Variants in PTGR2 observed in about 807,000 individuals in gnomAD.
PTGR2 encodes 15-oxoprostaglandin 13-reductase.
PTGR2 carries 32 observed loss-of-function variants against 43.4 expected under a neutral mutation model. The observed-to-expected ratio is 0.74, with a 90% CI of 0.56 to 0.99. The LOEUF is 0.99. PTGR2 is among the 50% of genes least tolerant of loss of function. PTGR2 has a pLI of 0.00. For missense variants in PTGR2, 373 were observed against 420.0 expected (o/e 0.89, Z 0.98); for synonymous variants, 106 against 139.2 (o/e 0.76, Z 1.68).
intron 3 of PTGR2, among the ~76,000 whole-genome samples, chr14:73,872,276 A>C (rs1162202283): frequency 1.3e-5 from 2 of 152,190 alleles, no homozygotes; most frequent in African/African-American, 4.8e-5. Context: ...ACTTGGTCTG[A>C]AGTTGGGATG....
rs199920829 is a variant in PTGR2, at chr14:73,860,575, T to C, written c.74T>C (p.Met25Thr). 2.5e-6 allele frequency: 4 copies of C among 1,581,598 alleles called. 1 individual carries two copies. In the South Asian group the frequency reaches 3.5e-5, roughly 14 times the overall value. ...AATCCAGTGGCAGAGAATTTCCGAATGGAAGAAGTCTATTTACCAGATAAT... is the reference window on the plus strand; with the variant it reads ...AATCCAGTGGCAGAGAATTTCCGAACGGAAGAAGTCTATTTACCAGATAAT... ...NGNPVAENFR[M>T]EEVYLPDNIN... The change falls in exon 3 of 10, where the codon ATG (methionine) becomes ACG (threonine). Residue 25 changes from methionine (M) to threonine (T), a missense_variant. Transcript: ENST00000555661.
chr14:73,859,797 G>T (rs1449533733), intron 2 of PTGR2, among the ~76,000 whole-genome samples: 7 of 146,740 alleles, frequency 4.8e-5, no homozygotes, highest in Non-Finnish European at 1.1e-4. Flanking sequence ...AAAAAAAAAA[G>T]AAATACATAC....
chr14:73,858,104 G>A (rs9646165), intron 1 of PTGR2: 22,913 of 152,174 alleles, frequency 0.15, 2,250 homozygotes, highest in East Asian at 0.32. Flanking sequence ...AGTAGAACAA[G>A]GGGTTTGGCC....
chr14:73,860,735 T>C, intron 3 of PTGR2, 78 bp downstream of exon 3: 1 of 755,576 alleles, frequency 1.3e-6, no homozygotes, highest in Non-Finnish European at 2.3e-6. Flanking sequence ...AATCTTATTG[T>C]GCAGTCCCTT....
chr14:73,862,094 G>T (rs553684113), intron 3 of PTGR2, among the ~76,000 whole-genome samples: 2 of 151,692 alleles, frequency 1.3e-5, no homozygotes, highest in Admixed American at 6.6e-5. Context: ...GGCCAGCCTG[G>T]TGTCAAACTG....
At chr14:73,880,737 T>TA (rs1414150353) in intron 7 of PTGR2, among the ~76,000 whole-genome samples, 1 of 152,172 alleles carries the variant, frequency 6.6e-6, no homozygotes, top group Non-Finnish European at 1.5e-5. Context: ...GAAAGGATGC[T>TA]ACCCACAAAG....
chr14:73,865,308 G>A (rs2054576860), intron 3 of PTGR2, among the ~76,000 whole-genome samples: 1 of 152,166 alleles, frequency 6.6e-6, no homozygotes, highest in East Asian at 1.9e-4. Flanking sequence ...GAAGAACCTG[G>A]AGTTCTTATG....
intron 9 of PTGR2, among the ~76,000 whole-genome samples, chr14:73,883,523 T>C (rs940734259): frequency 6.6e-6 from 1 of 151,712 alleles, no homozygotes; most frequent in African/African-American, 2.4e-5. Context: ...CCATGCTCTG[T>C]CACCCGGGCT....
At chr14:73,857,664 G>GTGT (rs1405806637) in intron 1 of PTGR2, among the ~76,000 whole-genome samples, 5 of 64,696 alleles carry the variant, frequency 7.7e-5, no homozygotes, top group African/African-American at 3.1e-4. Flanking sequence ...AGCAGTTAGT[G>GTGT]TTTTTTTTTT....
intron 4 of PTGR2, among the ~76,000 whole-genome samples, chr14:73,875,639 C>A (rs373320090): frequency 1.1e-4 from 17 of 151,996 alleles, no homozygotes; most frequent in Non-Finnish European, 2.4e-4. Context: ...CCACTGTACC[C>A]GGCCTGAGTT....
chr14:73,868,317 C>T (rs2054650069), intron 3 of PTGR2, among the ~76,000 whole-genome samples: 1 of 152,048 alleles, frequency 6.6e-6, no homozygotes, highest in Non-Finnish European at 1.5e-5. Context: ...CATAACCTGA[C>T]TCCTTTACCT....
intron 1 of PTGR2, among the ~76,000 whole-genome samples, chr14:73,852,818 A>C (rs1482717142): frequency 6.6e-6 from 1 of 151,762 alleles, no homozygotes; most frequent in Non-Finnish European, 1.5e-5. Flanking sequence ...ATCCAGAAAG[A>C]CACGTGGTTT....
At chr14:73,860,263 T>C (rs62005577) in intron 2 of PTGR2, among the ~76,000 whole-genome samples, 73,951 of 151,458 alleles carry the variant, frequency 0.49, 18,358 homozygotes, top group South Asian at 0.61. Flanking sequence ...GTCAGGAATT[T>C]GAGACCAGCC....
chr14:73,877,164 G>C lies in PTGR2; in HGVS notation c.515G>C (p.Gly172Ala). The change falls in exon 5 of 10, where the codon GGG becomes GCG. Residue 172 changes from glycine to alanine, a missense_variant. By Grantham distance (60) the Gly-to-Ala change is moderately conservative (BLOSUM62 0). Coordinates refer to ENST00000555661, the MANE Select transcript of PTGR2 (RefSeq NM_001146154.2). ...GAAGACGSVAGQIGHFLGCSR... is the reference protein window; with the variant it reads ...GAAGACGSVAAQIGHFLGCSR... ...GCAGGTGCCTGTGGATCTGTGGCTG[G>C]GCAGGTAAACTTTCTGAGAATTATT... 6.2e-7 allele frequency: 1 copy of C among 1,602,118 alleles called. No homozygotes were observed. The highest frequency in any genetic ancestry group is 8.5e-7 in the Non-Finnish European group (1 of 1,175,972).
At position 73,860,521 on chromosome 14, in the gene PTGR2, T is replaced by G. The variant is rs2054463179; in HGVS notation, c.38-18T>G. On this transcript the variant is annotated intron_variant, in intron 2 of 9. Coordinates refer to ENST00000555661, the MANE Select transcript of PTGR2 (RefSeq NM_001146154.2). ...AAAGTGGCTTTTTTTAACTTTATAT[T>G]TTTGCATAATATTTTAGGAAAAAAT... The G allele has an allele frequency of 4.7e-6, 6 of 1,282,390 alleles. No homozygotes were observed. The East Asian group carries it at 1.4e-4, about 30-fold the overall frequency. The allele number at this position is 1,282,390 out of a possible 1,614,324, so 79.4% of individuals were successfully genotyped here. A position where few individuals can be genotyped will look rare whatever the true frequency, so the allele number is the denominator to read the frequency against.
chr14:73,853,416 G>A (rs1457765987), intron 1 of PTGR2, among the ~76,000 whole-genome samples: 1 of 151,682 alleles, frequency 6.6e-6, no homozygotes, highest in Non-Finnish European at 1.5e-5. Context: ...TCCACCTCCC[G>A]GTTTAAAGCG....
chr14:73,860,762 T>A, intron 3 of PTGR2, 105 bp downstream of exon 3: 3 of 662,974 alleles, frequency 4.5e-6, no homozygotes. Flanking sequence ...TGGTAAATAT[T>A]TGAGCAGTTA....
chr14:73,874,298 C>A, intron 4 of PTGR2, 84 bp downstream of exon 4: 1 of 1,119,260 alleles, frequency 8.9e-7, no homozygotes, highest in Non-Finnish European at 1.3e-6. Context: ...TGTTTGTAAT[C>A]AGGGAAAAAT....
chr14:73,868,817 C>T (rs766314272), intron 3 of PTGR2, among the ~76,000 whole-genome samples: 1 of 151,898 alleles, frequency 6.6e-6, no homozygotes, highest in Admixed American at 6.6e-5. Flanking sequence ...CTGGGCCATG[C>T]TCTTCCTTGC....
Sources: gnomAD v4.1 joint callset for allele counts (sites outside exome capture counted in the v4.1 genomes callset) on GRCh38, gnomAD v4.1.1 for gene constraint, MANE v1.5 for transcripts, NCBI Gene and HGNC (gene_info 2026-07-23, HGNC 2026-07-21) for gene names.